Variants in MEIS2 observed in about 807,000 individuals in gnomAD.
MEIS2 encodes homeobox protein Meis2.
Under a neutral mutation model 58.6 loss-of-function variants are expected in MEIS2, and 9 were observed. That is an observed-to-expected ratio of 0.15 (90% CI 0.09 to 0.27). The LOEUF (loss-of-function observed/expected upper bound fraction) is 0.27. Among genes scored for constraint, MEIS2 ranks in the 10% least tolerant of loss-of-function variants. The probability of loss-of-function intolerance (pLI) is 1.00; values close to 1 mark genes in which losing one functional copy is unlikely to be tolerated. For synonymous variants in MEIS2, 221 were observed against 228.4 expected, an observed-to-expected ratio of 0.97 and a Z score of 0.29; for missense variants, 427 against 635.0, an observed-to-expected ratio of 0.67 and a Z score of 3.52.
At chr15:37,087,214 C>T (rs187001466) in intron 6 of MEIS2, among the ~76,000 whole-genome samples, 5 of 152,204 alleles carry the variant, frequency 3.3e-5, no homozygotes, top group East Asian at 1.9e-4. Context: ...TGAAGACACC[C>T]GAGGGCAAGG....
intron 8 of MEIS2, among the ~76,000 whole-genome samples, chr15:36,971,863 C>T (rs770291501): frequency 8.5e-5 from 13 of 152,130 alleles, no homozygotes; most frequent in Non-Finnish European, 1.8e-4. Flanking sequence ...AGAATATGCT[C>T]TCCCAACTTA....
In MEIS2 at chr15:36,971,536, TTA is replaced by T. The variant is rs1491090848; in HGVS notation, c.901-21138_901-21137del. On this transcript the variant is annotated intron_variant, in intron 8 of 11. Transcript: ENST00000561208. ...TGTATTACTTGTATGCCTTGTTACA[TTA>T]AAAAAAAAAAAAAAAAAAAAAAAAA... Among the ~76,000 whole-genome samples the T allele has an allele frequency of 2.9e-3, 188 of 65,418 alleles. 14 individuals are homozygous for T. Among genetic ancestry groups the T allele is most frequent in the African/African-American group, 0.014 (152 of 11,076 alleles). 42.9% of individuals were successfully genotyped at this position (65,418 alleles called of 152,430 possible). A position where few individuals can be genotyped will look rare whatever the true frequency, so the allele number is the denominator to read the frequency against.
intron 2 of MEIS2, 56 bp from the exon 3 acceptor site, chr15:37,096,486 G>T: frequency 6.3e-7 from 1 of 1,583,896 alleles, no homozygotes. Flanking sequence ...CAGAGGGGAA[G>T]GAGCAAGAAC....
In MEIS2 at chr15:37,099,965, A is replaced by C. The variant is rs1894900643; in HGVS notation, c.-499T>G. 2 of 153,458 alleles carry C rather than the reference A, an allele frequency of 1.3e-5. No individual in the cohort carries two copies. Among genetic ancestry groups the C allele is most frequent in the South Asian group, 4.1e-4 (2 of 4,900 alleles). The allele number at this position is 153,458 out of a possible 1,614,324, so 9.5% of individuals were successfully genotyped here. ...GCTGTCAATCAAAGCCCGGAATGTC[A>C]AGGTAGTGAATGAATGATGGTTGAT... On this transcript the variant is annotated 5_prime_UTR_variant, in exon 1 of 12. Transcript: ENST00000561208.
intron 9 of MEIS2, among the ~76,000 whole-genome samples, 174 bp downstream of exon 9, chr15:36,950,150 C>T (rs2058705497): frequency 6.6e-6 from 1 of 151,646 alleles, no homozygotes; most frequent in Non-Finnish European, 1.5e-5. Context: ...AAACCATTTC[C>T]CTAGGTTACC....
intron 9 of MEIS2, chr15:36,897,970 C>A (rs1024123676): frequency 6.6e-6 from 1 of 152,268 alleles, no homozygotes; most frequent in African/African-American, 2.4e-5. Context: ...CCCACTCGGT[C>A]GGGCCTCCTG....
At chr15:37,046,497 C>T (rs1250215042) in intron 7 of MEIS2, among the ~76,000 whole-genome samples, 1 of 152,040 alleles carries the variant, frequency 6.6e-6, no homozygotes, top group African/African-American at 2.4e-5. Context: ...TGGATGAAAA[C>T]CACTTCACCC....
intron 7 of MEIS2, among the ~76,000 whole-genome samples, chr15:37,064,938 G>A (rs1889718659): frequency 6.6e-6 from 1 of 152,118 alleles, no homozygotes; most frequent in Non-Finnish European, 1.5e-5. Context: ...AAGATAACTA[G>A]ATATTTTCAA....
Position 36,921,563 on chromosome 15 carries a change from G to C in MEIS2, c.978-24877C>G, listed in dbSNP as rs536353795. 1.3e-4 allele frequency among the ~76,000 whole-genome samples: 20 copies of C among 152,310 alleles called. No individual in the cohort carries two copies. In the East Asian group the frequency reaches 3.7e-3, roughly 28 times the overall value. ...TTGCTTTCTGCCTCACTGTCGGTCT[G>C]TCTTCTCCTGATCCAAAGTGGGAAA... On this transcript the variant is annotated intron_variant, in intron 9 of 11. Transcript: ENST00000561208.
chr15:36,889,268 A>T lies in MEIS2; in HGVS notation c.*2905T>A, dbSNP rs1160925683. On this transcript the variant is annotated 3_prime_UTR_variant, in exon 12 of 12. Coordinates refer to ENST00000561208, the MANE Select transcript of MEIS2 (RefSeq NM_170675.5). ...TTCCTTTAACACTATATGGTTGTCA[A>T]AACACCATTCCCAGTTTCTTTGCTT... 6.6e-6 allele frequency: 1 copy of T among 152,200 alleles called. No individual in the cohort carries two copies. The highest frequency in any genetic ancestry group is 1.5e-5 in the Non-Finnish European group (1 of 68,042). The allele number at this position is 152,200 out of a possible 1,614,324, so 9.4% of individuals were successfully genotyped here. A position where few individuals can be genotyped will look rare whatever the true frequency, so the allele number is the denominator to read the frequency against.
chr15:37,061,809 C>T lies in MEIS2; in HGVS notation c.754+21962G>A, dbSNP rs142227403. On this transcript the variant is annotated intron_variant, in intron 7 of 11. Transcript: ENST00000561208. ...ACTTTTCAGAAGTATAGCATTTCCT[C>T]TTAACTTTCAAAATCTGGATATCTT... 1.6e-4 allele frequency among the ~76,000 whole-genome samples: 24 copies of T among 152,218 alleles called. No individual in the cohort carries two copies. In the East Asian group the frequency reaches 4.4e-3, roughly 28 times the overall value.
chr15:36,995,955 A>AG (rs2060479006), intron 8 of MEIS2, among the ~76,000 whole-genome samples: 1 of 106,988 alleles, frequency 9.3e-6, no homozygotes, highest in African/African-American at 4.0e-5. Context: ...CTCTAGTCTG[A>AG]GATATATATA....
intron 8 of MEIS2, among the ~76,000 whole-genome samples, chr15:36,984,821 T>A (rs866795829): frequency 2.0e-5 from 3 of 152,134 alleles, no homozygotes; most frequent in Non-Finnish European, 4.4e-5. Flanking sequence ...TCTTGGTAGG[T>A]TATATGTTTC....
At chr15:37,096,532 T>C in intron 2 of MEIS2, 102 bp from the exon 3 acceptor site, 1 of 1,414,642 alleles carries the variant, frequency 7.1e-7, no homozygotes, top group Non-Finnish European at 9.6e-7. Flanking sequence ...GGAGTCCTTC[T>C]TTAATACAAC....
chr15:37,056,800 GA>G (rs1179927004), intron 7 of MEIS2, among the ~76,000 whole-genome samples: 1 of 152,174 alleles, frequency 6.6e-6, no homozygotes, highest in African/African-American at 2.4e-5. Flanking sequence ...CGGGGGCCCT[GA>G]CCCCCACCCT....
intron 3 of MEIS2, 134 bp from the exon 4 acceptor site, chr15:37,095,748 G>A: frequency 1.5e-6 from 2 of 1,291,464 alleles, no homozygotes; most frequent in Non-Finnish European, 2.2e-6. Flanking sequence ...GAAAGAAACT[G>A]GTGCCTTAAA....
At chr15:36,975,925 T>A (rs1397549979) in intron 8 of MEIS2, among the ~76,000 whole-genome samples, 1 of 152,198 alleles carries the variant, frequency 6.6e-6, no homozygotes, top group Non-Finnish European at 1.5e-5. Flanking sequence ...TTGGTGGGTT[T>A]AGCCATTCCA....
At chr15:36,993,385 T>C (rs1026702976) in intron 8 of MEIS2, among the ~76,000 whole-genome samples, 4 of 152,174 alleles carry the variant, frequency 2.6e-5, no homozygotes, top group African/African-American at 9.7e-5. Context: ...CTTATAATTG[T>C]CCTTTATATT....
chr15:37,009,204 G>A (rs1042196007), intron 8 of MEIS2, among the ~76,000 whole-genome samples: 4 of 152,134 alleles, frequency 2.6e-5, no homozygotes, highest in African/African-American at 9.7e-5. Context: ...CAAGAGAATG[G>A]CATGAACCTG....
Sources: allele counts gnomAD v4.1 joint callset (sites outside exome capture counted in the v4.1 genomes callset), GRCh38; gene constraint gnomAD v4.1.1; transcripts MANE v1.5; gene names NCBI Gene and HGNC (gene_info 2026-07-23, HGNC 2026-07-21).